ADGRE3: variants seen among roughly 807,000 people sequenced by gnomAD.
ADGRE3 encodes the protein adhesion G protein-coupled receptor E3.
ADGRE3 carries 88 observed loss-of-function variants against 80.1 expected under a neutral mutation model. The ratio of observed to expected loss-of-function variants is 1.10; its 90% CI spans 0.93 to 1.31. The LOEUF is 1.31. Ranked by LOEUF, ADGRE3 falls within the 40% of genes most tolerant of loss-of-function variation. The probability of loss-of-function intolerance (pLI) is 0.00; values close to 1 mark genes in which losing one functional copy is unlikely to be tolerated. For synonymous variants in ADGRE3, 281 were observed against 294.8 expected (o/e 0.95, Z 0.48); for missense variants, 715 against 776.5 (o/e 0.92, Z 0.94).
chr19:14,644,354 T>C, intron 8 of ADGRE3, 79 bp from the exon 9 acceptor site: 1 of 1,154,118 alleles, frequency 8.7e-7, no homozygotes, highest in East Asian at 2.8e-5. Flanking sequence ...AAAATCTTGC[T>C]TTGTTACTCA....
the ADGRE3 span, chr19:14,611,193 C>T: frequency 6.6e-6 from 1 of 151,892 alleles, no homozygotes; most frequent in African/African-American, 2.4e-5. Flanking sequence ...TCTATATTCA[C>T]CCCATGTCGT....
At chr19:14,605,118 C>T in the ADGRE3 span, among the ~76,000 whole-genome samples, 7 of 149,642 alleles carry the variant, frequency 4.7e-5, no homozygotes, top group East Asian at 2.0e-4. Context: ...TTTTTTGAGA[C>T]GGGATTTCGC....
the ADGRE3 span, among the ~76,000 whole-genome samples, chr19:14,609,715 G>T: frequency 1.3e-5 from 2 of 152,056 alleles, no homozygotes; most frequent in Non-Finnish European, 2.9e-5. Flanking sequence ...GTGGACACCT[G>T]TAATCCCAGC....
the ADGRE3 span, chr19:14,610,012 T>G: frequency 7.2e-7 from 1 of 1,381,432 alleles, no homozygotes; most frequent in Non-Finnish European, 1.0e-6. Flanking sequence ...TACAGAAGAG[T>G]TTCACCACCC....
At chr19:14,616,217 A>G (rs2075074707), downstream of ADGRE3, among the ~76,000 whole-genome samples, 1 of 151,918 alleles carries the variant, frequency 6.6e-6, no homozygotes, top group Admixed American at 6.6e-5. Context: ...TGATCTGCCC[A>G]TCTCGGCCTT....
At chr19:14,640,891 G>A (rs889705266) in intron 10 of ADGRE3, among the ~76,000 whole-genome samples, 4 of 151,918 alleles carry the variant, frequency 2.6e-5, no homozygotes, top group Admixed American at 1.3e-4. Flanking sequence ...AGTGCCTTTC[G>A]CCTCCCGCCA....
rs1189295641 is a variant in ADGRE3, at chr19:14,620,568, ATTTTTTTTT to A, written c.1921-1106_1921-1098del. On this transcript the variant is annotated intron_variant, in intron 15 of 15. Transcript: ENST00000253673. ...ATATATTATATATATATATATATAT[ATTTTTTTTT>A]TTTTTTTTTTTTTTTTTTTTGAGAC... Among the ~76,000 whole-genome samples the A allele has an allele frequency of 9.9e-3, 109 of 11,032 alleles. 8 individuals carry two copies. Among genetic ancestry groups the A allele is most frequent in the East Asian group, 0.012 (4 of 342 alleles). The allele number at this position is 11,032 out of a possible 152,430, so 7.2% of individuals were successfully genotyped here. A position where few individuals can be genotyped will look rare whatever the true frequency, so the allele number is the denominator to read the frequency against.
Position 14,621,346 on chromosome 19 carries a change from TG to T in ADGRE3, c.1921-1876del, listed in dbSNP as rs549018298. The stretch of plus-strand genomic sequence containing the variant: ...GGCGGGCGCATGTAATCCCAGCTAC[TG>T]GGGAGGCTGAGGCAGGAGAATCGCT... On this transcript the variant is annotated intron_variant, in intron 15 of 15. Coordinates refer to ENST00000253673, the MANE Select transcript of ADGRE3 (RefSeq NM_032571.5). Among the ~76,000 whole-genome samples, 1,176 of 151,180 alleles carry T rather than the reference TG, an allele frequency of 7.8e-3. 16 individuals carry two copies. Among genetic ancestry groups the T allele is most frequent in the African/African-American group, 0.028 (1,142 of 41,182 alleles).
At chr19:14,613,834 C>T in the ADGRE3 span, among the ~76,000 whole-genome samples, 17 of 151,826 alleles carry the variant, frequency 1.1e-4, no homozygotes, top group African/African-American at 3.4e-4. Context: ...TACAGGTGTG[C>T]GCCACCACAT....
intron 15 of ADGRE3, 82 bp from the exon 16 acceptor site, chr19:14,619,553 A>G: frequency 8.9e-7 from 1 of 1,119,444 alleles, no homozygotes; most frequent in Non-Finnish European, 1.3e-6. Flanking sequence ...GAAAAACAGC[A>G]GGAGTGATTT....
In ADGRE3 at chr19:14,650,638, TCTCTCTCTCTCTCTC is replaced by T. The variant is rs1315377608; in HGVS notation, c.697+432_697+446del. On this transcript the variant is annotated intron_variant, in intron 7 of 15. Coordinates refer to ENST00000253673, the MANE Select transcript of ADGRE3 (RefSeq NM_032571.5). ...CTTGCTCTCTGTCTCCATCTCTCTC[TCTCTCTCTCTCTCTC>T]TCTCTCTCTCTCTCTCTCTCTCTCT... 4.1e-3 allele frequency among the ~76,000 whole-genome samples: 353 copies of T among 86,514 alleles called. 5 individuals carry two copies. Among genetic ancestry groups the T allele is most frequent in the East Asian group, 0.014 (51 of 3,522 alleles). 56.8% of individuals were successfully genotyped at this position (86,514 alleles called of 152,430 possible).
chr19:14,630,072 G>A lies in ADGRE3; in HGVS notation c.1779C>T (p.Phe593=). ...TGAGGAGGCAGTAGACCAAGAAGAT[G>A]AAGAAGCCTTGGAGGCTGTTGATGA... ...FTIINSLQGF[F]IFLVYCLLSQ... is the part of the protein sequence containing the mutation. The change falls in exon 14 of 16, where the codon TTC becomes TTT. Residue 593 remains phenylalanine, a synonymous_variant. Coordinates refer to ENST00000253673, the MANE Select transcript of ADGRE3 (RefSeq NM_032571.5). 2 of 1,610,808 alleles carry A rather than the reference G, an allele frequency of 1.2e-6. No individual in the cohort carries two copies. The highest frequency in any genetic ancestry group is 2.2e-5 in the South Asian group (2 of 90,700).
rs955024853 is a variant in ADGRE3, at chr19:14,660,618, C to T, written c.355+1345G>A. Among the ~76,000 whole-genome samples, 19 of 139,640 alleles carry T rather than the reference C, an allele frequency of 1.4e-4. 1 individual carries two copies. Among genetic ancestry groups the T allele is most frequent in the African/African-American group, 4.7e-4 (17 of 36,188 alleles). 91.6% of individuals were successfully genotyped at this position (139,640 alleles called of 152,430 possible). On this transcript the variant is annotated intron_variant, in intron 4 of 15. Transcript: ENST00000253673. ...CAGCCTGGGTGACAGAGTGAGACCC[C>T]ATCTCTTAAAAAAAAAAAAAGTTTC...
the ADGRE3 span, among the ~76,000 whole-genome samples, chr19:14,614,009 G>A: frequency 1.2e-4 from 18 of 152,154 alleles, no homozygotes; most frequent in Admixed American, 2.0e-4. Context: ...TTAAGAGATG[G>A]GTTCTCAGGA....
the ADGRE3 span, chr19:14,610,082 A>G: frequency 2.5e-6 from 4 of 1,613,292 alleles, no homozygotes; most frequent in South Asian, 3.3e-5. Flanking sequence ...AGCCAGAGGA[A>G]CCCAATAACA....
At chr19:14,627,202 A>G (rs1970758003) in intron 14 of ADGRE3, among the ~76,000 whole-genome samples, 1 of 152,154 alleles carries the variant, frequency 6.6e-6, no homozygotes, top group African/African-American at 2.4e-5. Flanking sequence ...CAGTAATGAC[A>G]AGCATTTCCC....
intron 5 of ADGRE3, among the ~76,000 whole-genome samples, chr19:14,656,798 T>G (rs930697482): frequency 6.6e-6 from 1 of 152,188 alleles, no homozygotes; most frequent in Non-Finnish European, 1.5e-5. Context: ...AAAAGAAAAT[T>G]TGGGGCTGCT....
intron 10 of ADGRE3, among the ~76,000 whole-genome samples, chr19:14,639,579 A>T (rs1295676991): frequency 2.0e-5 from 3 of 151,342 alleles, no homozygotes; most frequent in Admixed American, 2.0e-4. Flanking sequence ...TAATTTTGTT[A>T]TTTTTTTTGT....
intron 11 of ADGRE3, among the ~76,000 whole-genome samples, chr19:14,636,058 T>C (rs868515299): frequency 1.3e-4 from 3 of 22,404 alleles, no homozygotes; most frequent in Non-Finnish European, 2.3e-4. Flanking sequence ...CCTTCCTTCC[T>C]TCCTTTCCTT....
Sources: allele counts gnomAD v4.1 joint callset (sites outside exome capture counted in the v4.1 genomes callset), GRCh38; gene constraint gnomAD v4.1.1; transcripts MANE v1.5; gene names NCBI Gene and HGNC (gene_info 2026-07-23, HGNC 2026-07-21).